The following SLCO4A1 variants were observed in gnomAD, a reference collection of about 807,000 sequenced individuals.
SLCO4A1 encodes solute carrier organic anion transporter family member 4A1.
Under a neutral mutation model 64.6 loss-of-function variants are expected in SLCO4A1, and 51 were observed. The ratio of observed to expected loss-of-function variants is 0.79; its 90% CI spans 0.63 to 1.00. The LOEUF (loss-of-function observed/expected upper bound fraction) is 1.00. Ranked by LOEUF, SLCO4A1 falls within the 50% of genes least tolerant of loss-of-function variation. SLCO4A1 has a pLI of 0.00. For missense variants in SLCO4A1, 919 were observed against 980.5 expected (o/e 0.94, Z 0.84); for synonymous variants, 471 against 444.9 (o/e 1.06, Z -0.74).
chr20:62,676,244 G>A (rs1179582625), downstream of SLCO4A1, among the ~76,000 whole-genome samples: 1 of 151,846 alleles, frequency 6.6e-6, no homozygotes, highest in African/African-American at 2.4e-5. Context: ...GCGAAACCCT[G>A]TCTCTGTAAA....
At chr20:62,664,046 C>T (rs1985601561) in intron 5 of SLCO4A1, among the ~76,000 whole-genome samples, 1 of 152,180 alleles carries the variant, frequency 6.6e-6, no homozygotes, top group South Asian at 2.1e-4. Context: ...TGCTGTCGGC[C>T]ACCTCCTGGG....
downstream of SLCO4A1, among the ~76,000 whole-genome samples, chr20:62,688,868 C>T (rs1988145288): frequency 6.6e-6 from 1 of 152,210 alleles, no homozygotes; most frequent in African/African-American, 2.4e-5. Flanking sequence ...GGGAAGGAGA[C>T]ATTAACATTT....
downstream of SLCO4A1, among the ~76,000 whole-genome samples, chr20:62,686,671 T>C (rs1222612588): frequency 6.6e-6 from 1 of 152,232 alleles, no homozygotes; most frequent in African/African-American, 2.4e-5. Context: ...GAGAGTACAC[T>C]AAGTCTTAGC....
chr20:62,678,739 G>A (rs1987700954), intron 2 of SLCO4A1, among the ~76,000 whole-genome samples: 1 of 152,136 alleles, frequency 6.6e-6, no homozygotes, highest in Non-Finnish European at 1.5e-5. Flanking sequence ...CCGTGAGAGG[G>A]GGGCACTGTT....
chr20:62,663,436 A>G (rs1485208965), intron 5 of SLCO4A1: 1 of 152,214 alleles, frequency 6.6e-6, no homozygotes, highest in Admixed American at 6.5e-5. Context: ...TGGAAAGTGT[A>G]GGTTTACAGG....
At chr20:62,653,003 G>A (rs1207976943) in intron 1 of SLCO4A1, among the ~76,000 whole-genome samples, 2 of 152,236 alleles carry the variant, frequency 1.3e-5, no homozygotes, top group Non-Finnish European at 2.9e-5. Flanking sequence ...GTGGCCTCGA[G>A]CAAATGACTG....
chr20:62,668,814 T>G lies in SLCO4A1; in HGVS notation c.1877-116T>G, dbSNP rs898779814. 6 of 1,114,246 alleles carry G rather than the reference T, an allele frequency of 5.4e-6. No homozygotes were observed. In the African/African-American group the frequency reaches 9.4e-5, roughly 18 times the overall value. The allele number at this position is 1,114,246 out of a possible 1,614,324, so 69.0% of individuals were successfully genotyped here. A position where few individuals can be genotyped will look rare whatever the true frequency, so the allele number is the denominator to read the frequency against. On this transcript the variant is annotated intron_variant, in intron 10 of 11. Transcript: ENST00000217159. Reference sequence around the variant, plus strand: ...AGCCCTCTTTGCACCCCCTGAGAACTCCAACGGCCAGTATCACCTTCCCAG... The same window carrying G: ...AGCCCTCTTTGCACCCCCTGAGAACGCCAACGGCCAGTATCACCTTCCCAG...
chr20:62,672,719 T>A (rs1002284608), downstream of SLCO4A1: 1 of 152,266 alleles, frequency 6.6e-6, no homozygotes, highest in African/African-American at 2.4e-5. Flanking sequence ...ATGGCTGTGT[T>A]TGGAGGCAGG....
Position 62,667,965 on chromosome 20 carries a change from C to T in SLCO4A1, c.1639-47C>T. On this transcript the variant is annotated intron_variant, in intron 8 of 11. Coordinates refer to ENST00000217159, the MANE Select transcript of SLCO4A1 (RefSeq NM_016354.4). ...TCCTCCCCTGGACCCTGGGAAGGGGCCCCCGTGCCTTCCCCTTGTAATCGG... is the reference window on the plus strand; with the variant it reads ...TCCTCCCCTGGACCCTGGGAAGGGGTCCCCGTGCCTTCCCCTTGTAATCGG... 4 of 1,613,666 alleles carry T rather than the reference C, an allele frequency of 2.5e-6. No homozygotes were observed. The South Asian group carries it at 3.3e-5, about 13-fold the overall frequency.
In SLCO4A1 at chr20:62,668,190, C is replaced by CT. The variant is rs774849168; in HGVS notation, c.1811+7dup. On this transcript the variant is annotated splice_region_variant and intron_variant, in intron 9 of 11. Coordinates refer to ENST00000217159, the MANE Select transcript of SLCO4A1 (RefSeq NM_016354.4). ...GCACTAACGGCAACTCTACGGTAAG[C>CT]TGGGGTCGGGTGTGCGCTTGTCCAG... 2.5e-6 allele frequency: 4 copies of CT among 1,613,518 alleles called. No individual in the cohort carries two copies. In the African/African-American group the frequency reaches 4.0e-5, roughly 16 times the overall value.
chr20:62,672,434 A>AGTC (rs1439426675), downstream of SLCO4A1: 1 of 266,630 alleles, frequency 3.8e-6, no homozygotes, highest in Non-Finnish European at 5.9e-6. Context: ...CTCCCCCGTA[A>AGTC]GTCGGCCTTC....
intron 2 of SLCO4A1, among the ~76,000 whole-genome samples, chr20:62,684,605 C>T (rs1435598372): frequency 6.6e-6 from 1 of 152,186 alleles, no homozygotes; most frequent in Non-Finnish European, 1.5e-5. Flanking sequence ...TAGGGAGGGT[C>T]TTTCCCTGGC....
intron 2 of SLCO4A1, among the ~76,000 whole-genome samples, 181 bp downstream of exon 2, chr20:62,657,431 T>C (rs78792844): frequency 0.012 from 1,753 of 152,276 alleles, 36 homozygotes; most frequent in African/African-American, 0.039. Flanking sequence ...CCAAAGCTGA[T>C]GTAAGGGACT....
chr20:62,682,511 A>C (rs985687151), intron 2 of SLCO4A1, among the ~76,000 whole-genome samples: 2 of 152,190 alleles, frequency 1.3e-5, no homozygotes, highest in African/African-American at 2.4e-5. Flanking sequence ...ATGAGCATGG[A>C]GACCACGGAG....
chr20:62,671,647 G>A, intron 11 of SLCO4A1, 103 bp from the exon 12 acceptor site: 1 of 1,057,298 alleles, frequency 9.5e-7, no homozygotes, highest in Non-Finnish European at 1.4e-6. Context: ...ACCTGGTGAG[G>A]GTGCTGCAGG....
chr20:62,668,920 C>G lies in SLCO4A1; in HGVS notation c.1877-10C>G. On this transcript the variant is annotated splice_polypyrimidine_tract_variant and intron_variant, in intron 10 of 11. Transcript: ENST00000217159. ...AGGAGTGTGGGTGCTGAGTGGGCTT[C>G]TCTCCGCAGGGGGCATCCCGGGGCC... 1 of 1,600,068 alleles carries G rather than the reference C, an allele frequency of 6.2e-7. No individual in the cohort carries two copies. The highest frequency in any genetic ancestry group is 1.1e-5 in the South Asian group (1 of 90,958).
chr20:62,687,110 GA>G (rs1409895660), downstream of SLCO4A1, among the ~76,000 whole-genome samples: 3 of 143,018 alleles, frequency 2.1e-5, no homozygotes, highest in African/African-American at 5.3e-5. Context: ...GGAGCAATGG[GA>G]AAGGGCACCC....
intron 2 of SLCO4A1, among the ~76,000 whole-genome samples, chr20:62,684,967 G>A (rs1250464448): frequency 2.0e-5 from 3 of 152,252 alleles, no homozygotes; most frequent in Middle Eastern, 3.4e-3. Context: ...AGAAAGGCCC[G>A]GCCAAAGCAT....
chr20:62,666,821 C>T (rs1457483058), intron 7 of SLCO4A1: 1 of 543,322 alleles, frequency 1.8e-6, no homozygotes, highest in Non-Finnish European at 3.3e-6. Flanking sequence ...TCATATGCCT[C>T]TCTGGGCCTC....
Sources: gnomAD v4.1 joint callset for allele counts (sites outside exome capture counted in the v4.1 genomes callset) on GRCh38, gnomAD v4.1.1 for gene constraint, MANE v1.5 for transcripts, NCBI Gene and HGNC (gene_info 2026-07-23, HGNC 2026-07-21) for gene names.